The following MON1B variants were observed in gnomAD, a reference collection of about 807,000 sequenced individuals.
MON1B encodes vacuolar fusion protein MON1 homolog B.
In MON1B, 26 loss-of-function variants were observed where a neutral mutation model predicts 45.1. The observed-to-expected ratio is 0.58, with a 90% confidence interval of 0.42 to 0.80. The LOEUF (loss-of-function observed/expected upper bound fraction) is 0.80. Ranked by LOEUF, MON1B falls within the 30% of genes least tolerant of loss-of-function variation. MON1B has a pLI of 0.00. For synonymous variants in MON1B, 395 were observed against 320.2 expected, an observed-to-expected ratio of 1.23 and a Z score of -2.49; for missense variants, 737 against 754.5, an observed-to-expected ratio of 0.98 and a Z score of 0.27.
In MON1B at chr16:77,193,587, C is replaced by A. The variant is rs768362649; in HGVS notation, c.285C>A (p.Gly95=). 6.2e-7 allele frequency: 1 copy of A among 1,614,016 alleles called. No individual in the cohort carries two copies. The highest frequency in any genetic ancestry group is 1.7e-5 in the Admixed American group (1 of 60,008). ...GTAGCCCTGAGAGTAGCTCTGGAGG[C>A]CAGGGCGGGGACCCCAGTGATGAGG... ...PTCSPESSSG[G]QGGDPSDEEW... Residue 95 remains glycine, a synonymous_variant, in exon 3 of 6, where the codon GGC becomes GGA. Coordinates refer to ENST00000248248, the MANE Select transcript of MON1B (RefSeq NM_014940.4). This position sits in a 1 kb window ranked among gnomAD's most constrained non-coding sequence, Gnocchi z 5.0.
At chr16:77,196,299 A>T (rs944456896) in intron 5 of MON1B, among the ~76,000 whole-genome samples, 5 of 152,148 alleles carry the variant, frequency 3.3e-5, no homozygotes, top group East Asian at 3.8e-4. Context: ...TTGTTTTTAA[A>T]TTTTTTTAAC....
In MON1B at chr16:77,199,346, T is replaced by G; in HGVS notation, c.*1038T>G. 1 of 1,149,872 alleles carries G rather than the reference T, an allele frequency of 8.7e-7. No homozygotes were observed. The highest frequency in any genetic ancestry group is 1.4e-5 in the South Asian group (1 of 69,788). 71.2% of individuals were successfully genotyped at this position (1,149,872 alleles called of 1,614,324 possible). A position where few individuals can be genotyped will look rare whatever the true frequency, so the allele number is the denominator to read the frequency against. On this transcript the variant is annotated 3_prime_UTR_variant, in exon 6 of 6. Transcript: ENST00000248248. ...CTGACTCCTGATTTAACCGCTGGCG[T>G]AACCGCGGGTTGCACGCATGCGTGC...
chr16:77,194,929 G>C lies in MON1B; in HGVS notation c.1070G>C (p.Arg357Pro), dbSNP rs372814782. Residue 357 changes from arginine to proline, a missense_variant, in exon 4 of 6, where the codon CGT (arginine) becomes CCT (proline). Arg to Pro is a moderately radical substitution (Grantham distance 103, BLOSUM62 -2). Transcript: ENST00000248248. The surrounding 1 kb of genome is among the most constrained non-coding windows in gnomAD (Gnocchi z 8.1). ...PVCLLLLGTQ[R>P]EAFHAMAACR... is the part of the protein sequence containing the mutation. ...TGCCTGCTGCTGCTTGGCACCCAAC[G>C]TGAAGCCTTCCATGCCATGGCCGCC... is the stretch of plus-strand genomic sequence containing the variant. 3 of 1,613,700 alleles carry C rather than the reference G, an allele frequency of 1.9e-6. No individual in the cohort carries two copies. Among genetic ancestry groups the C allele is most frequent in the East Asian group, 2.2e-5 (1 of 44,874 alleles).
chr16:77,199,308 C>G lies in MON1B; in HGVS notation c.*1000C>G. The G allele has an allele frequency of 5.5e-6, 4 of 727,430 alleles. No individual in the cohort carries two copies. The highest frequency in any genetic ancestry group is 9.3e-6 in the Non-Finnish European group (4 of 432,086). 45.1% of individuals were successfully genotyped at this position (727,430 alleles called of 1,614,324 possible). ...GCAATCAGGGCCGCAGTGTGTTCTGCGCCTGCCCAGAGCTGACTCCTGATT... is the reference window on the plus strand; with the variant it reads ...GCAATCAGGGCCGCAGTGTGTTCTGGGCCTGCCCAGAGCTGACTCCTGATT... On this transcript the variant is annotated 3_prime_UTR_variant, in exon 6 of 6. Transcript: ENST00000248248.
chr16:77,195,401 C>T, intron 4 of MON1B, 134 bp from the exon 5 acceptor site: 1 of 1,236,132 alleles, frequency 8.1e-7, no homozygotes, highest in East Asian at 2.6e-5. Flanking sequence ...GCCTCCAACC[C>T]CTGAGAATCC....
At position 77,200,029 on chromosome 16, in the gene MON1B, C is replaced by T. The variant is rs1317855678; in HGVS notation, c.*1721C>T. The T allele has an allele frequency of 6.6e-6, 1 of 151,340 alleles. No homozygotes were observed. The highest frequency in any genetic ancestry group is 2.1e-4 in the South Asian group (1 of 4,796). 9.4% of individuals were successfully genotyped at this position (151,340 alleles called of 1,614,324 possible). On this transcript the variant is annotated 3_prime_UTR_variant, in exon 6 of 6. Coordinates refer to ENST00000248248, the MANE Select transcript of MON1B (RefSeq NM_014940.4). ...GACACTATTGGAAATTGTATTCCAT[C>T]CAAAAGAAAAAAAAATCTCAGGCCG...
In MON1B at chr16:77,194,084, C is replaced by T. The variant is rs562884027; in HGVS notation, c.476-251C>T. ...TCTGGCTCTGTGTCAGCCCTTGTAC[C>T]ATCTCTACCCGCCTGCCCGTGGTCT... On this transcript the variant is annotated intron_variant, in intron 3 of 5. Coordinates refer to ENST00000248248, the MANE Select transcript of MON1B (RefSeq NM_014940.4). This position sits in a 1 kb window ranked among gnomAD's most constrained non-coding sequence, Gnocchi z 8.1. 1 of 602,796 alleles carries T rather than the reference C, an allele frequency of 1.7e-6. No individual in the cohort carries two copies. Among genetic ancestry groups the T allele is most frequent in the Admixed American group, 2.9e-5 (1 of 34,340 alleles). The allele number at this position is 602,796 out of a possible 1,614,324, so 37.3% of individuals were successfully genotyped here. A position where few individuals can be genotyped will look rare whatever the true frequency, so the allele number is the denominator to read the frequency against.
rs376933532 is a variant in MON1B, at chr16:77,198,356, T to G, written c.*48T>G. The G allele has an allele frequency of 6.2e-5, 97 of 1,564,918 alleles. No individual in the cohort carries two copies. The highest frequency in any genetic ancestry group is 8.4e-5 in the Non-Finnish European group (95 of 1,135,894). ...CAGTGCTGGGAGCAACCACCTTTGT[T>G]TTTTACCTTCTGTCTACCCTGGAAA... On this transcript the variant is annotated 3_prime_UTR_variant, in exon 6 of 6. Transcript: ENST00000248248.
rs2054709091 is a variant in MON1B at position 77,199,653 on chromosome 16, C to T, written c.*1345C>T. 3 of 726,858 alleles carry T rather than the reference C, an allele frequency of 4.1e-6. No individual in the cohort carries two copies. The allele number at this position is 726,858 out of a possible 1,614,324, so 45.0% of individuals were successfully genotyped here. On this transcript the variant is annotated 3_prime_UTR_variant, in exon 6 of 6. Transcript: ENST00000248248. ...TAAGCCTTTTGTTATTGAAGAAAAA[C>T]AATTTTTTAACCGTTCAGCACAGTG... is the stretch of plus-strand genomic sequence containing the variant.
In MON1B at chr16:77,199,397, T is replaced by C; in HGVS notation, c.*1089T>C. On this transcript the variant is annotated 3_prime_UTR_variant, in exon 6 of 6. Transcript: ENST00000248248. ...TGAAAAGCCTTTCACCCTCACGTGG[T>C]TTCTTTTTTAACCAGTCATCAAGCG... 1.3e-6 allele frequency: 2 copies of C among 1,532,670 alleles called. No homozygotes were observed. Among genetic ancestry groups the C allele is most frequent in the Middle Eastern group, 1.8e-4 (1 of 5,600 alleles). 94.9% of individuals were successfully genotyped at this position (1,532,670 alleles called of 1,614,324 possible). A position where few individuals can be genotyped will look rare whatever the true frequency, so the allele number is the denominator to read the frequency against.
chr16:77,193,659 C>G lies in MON1B; in HGVS notation c.357C>G (p.Gly119=). Residue 119 remains glycine, a synonymous_variant, in exon 3 of 6, where the codon GGC becomes GGG. Transcript: ENST00000248248. The surrounding 1 kb of genome is among the most constrained non-coding windows in gnomAD (Gnocchi z 5.0). The stretch of plus-strand genomic sequence containing the variant: ...ATGTGTTTGTGCTGAGTGAGGCTGG[C>G]AAGCCCATCTACTCGCGGTATGGTA... ...RKHVFVLSEA[G]KPIYSRYGSV... The G allele has an allele frequency of 6.2e-7, 1 of 1,614,098 alleles. No individual in the cohort carries two copies. The highest frequency in any genetic ancestry group is 8.5e-7 in the Non-Finnish European group (1 of 1,179,986).
intron 5 of MON1B, among the ~76,000 whole-genome samples, chr16:77,196,842 C>G (rs1005757335): frequency 2.6e-5 from 4 of 152,150 alleles, no homozygotes; most frequent in Admixed American, 6.5e-5. Context: ...TCAATATTGT[C>G]TCATGGATTT....
rs182688168 is a variant in MON1B at position 77,200,715 on chromosome 16, C to T, written c.*2407C>T. On this transcript the variant is annotated 3_prime_UTR_variant, in exon 6 of 6. Coordinates refer to ENST00000248248, the MANE Select transcript of MON1B (RefSeq NM_014940.4). ...AGGTTATCGTGAGCTGACATTGCGC[C>T]ACTGCACTCCAGCGCGGAAGACAGA... is the stretch of plus-strand genomic sequence containing the variant. The T allele has an allele frequency of 6.1e-4, 88 of 143,964 alleles. 1 individual carries two copies. The highest frequency in any genetic ancestry group is 2.3e-3 in the African/African-American group (88 of 38,844). 8.9% of individuals were successfully genotyped at this position (143,964 alleles called of 1,614,324 possible).
In MON1B at chr16:77,200,364, A is replaced by G. The variant is rs1403705338; in HGVS notation, c.*2056A>G. The G allele has an allele frequency of 6.7e-6, 1 of 150,336 alleles. No individual in the cohort carries two copies. The highest frequency in any genetic ancestry group is 1.5e-5 in the Non-Finnish European group (1 of 67,684). 9.3% of individuals were successfully genotyped at this position (150,336 alleles called of 1,614,324 possible). On this transcript the variant is annotated 3_prime_UTR_variant, in exon 6 of 6. Coordinates refer to ENST00000248248, the MANE Select transcript of MON1B (RefSeq NM_014940.4). The stretch of plus-strand genomic sequence containing the variant: ...CTACTCAGGAAGCTGAGGCAGGAGA[A>G]TCACTTGAACCCGAGAGGCGGAGGT...
chr16:77,194,151 C>T lies in MON1B; in HGVS notation c.476-184C>T. The T allele has an allele frequency of 1.5e-6, 1 of 688,934 alleles. No homozygotes were observed. Among genetic ancestry groups the T allele is most frequent in the South Asian group, 1.7e-5 (1 of 59,944 alleles). The allele number at this position is 688,934 out of a possible 1,614,324, so 42.7% of individuals were successfully genotyped here. ...CTACTTGTTCCTTTGTCCATCCCAT[C>T]ATGTCTCTGCAAATGTCCAGATTCC... On this transcript the variant is annotated intron_variant, in intron 3 of 5. Transcript: ENST00000248248. This position sits in a 1 kb window ranked among gnomAD's most constrained non-coding sequence, Gnocchi z 8.1.
Position 77,191,547 on chromosome 16 carries a change from C to T in MON1B, c.62C>T (p.Thr21Met), listed in dbSNP as rs773699761. ...APGGAEDLED[T>M]QFPSEEAREG... ...GGGGGCGCGGAGGACTTGGAGGACACGCAGTTCCCCAGTGAGGAAGCTAGA... is the reference window on the plus strand; with the variant it reads ...GGGGGCGCGGAGGACTTGGAGGACATGCAGTTCCCCAGTGAGGAAGCTAGA... Residue 21 changes from threonine to methionine, a missense_variant, in exon 2 of 6, where the codon ACG (threonine) becomes ATG (methionine). Thr to Met is a moderately conservative substitution (Grantham distance 81, BLOSUM62 -1). Transcript: ENST00000248248. 3.1e-6 allele frequency: 5 copies of T among 1,608,610 alleles called. No homozygotes were observed. Among genetic ancestry groups the T allele is most frequent in the East Asian group, 2.2e-5 (1 of 44,804 alleles).
intron 5 of MON1B, among the ~76,000 whole-genome samples, chr16:77,196,393 A>C (rs1206934269): frequency 2.0e-5 from 3 of 152,180 alleles, no homozygotes; most frequent in African/African-American, 7.2e-5. Context: ...AGAGTTATAA[A>C]GGGCGTGGTG....
chr16:77,194,376 C>A lies in MON1B; in HGVS notation c.517C>A (p.Leu173Ile). 1 of 1,611,086 alleles carries A rather than the reference C, an allele frequency of 6.2e-7. No homozygotes were observed. Among genetic ancestry groups the A allele is most frequent in the Non-Finnish European group, 8.5e-7 (1 of 1,179,970 alleles). The change falls in exon 4 of 6, where the codon CTC (leucine) becomes ATC (isoleucine). Residue 173 changes from leucine (L) to isoleucine (I), a missense_variant. Leu to Ile is a conservative substitution (Grantham distance 5). Coordinates refer to ENST00000248248, the MANE Select transcript of MON1B (RefSeq NM_014940.4). The surrounding 1 kb of genome is among the most constrained non-coding windows in gnomAD (Gnocchi z 8.1). The stretch of plus-strand genomic sequence containing the variant: ...GTTCCTACAACAGGGCCCACTGTTG[C>A]TCGTGGCCATGTCACGGACTTCTCA... ...LVFLQQGPLLLVAMSRTSQSA... is the reference protein window; with the variant it reads ...LVFLQQGPLLIVAMSRTSQSA...
rs1451983321 is a variant in MON1B, at chr16:77,191,510, G to T, written c.25G>T (p.Ala9Ser). The T allele has an allele frequency of 1.2e-6, 2 of 1,607,284 alleles. No homozygotes were observed. The highest frequency in any genetic ancestry group is 1.3e-5 in the African/African-American group (1 of 74,446). Residue 9 changes from alanine (A) to serine (S), a missense_variant, in exon 2 of 6, where the codon GCC becomes TCC. By Grantham distance (99) the Ala-to-Ser change is moderately conservative. Coordinates refer to ENST00000248248, the MANE Select transcript of MON1B (RefSeq NM_014940.4). The stretch of plus-strand genomic sequence containing the variant: ...GATGGAGGTCGGAGGAGACACTGCT[G>T]CCCCGGCCCCCGGGGGCGCGGAGGA... MEVGGDTA[A>S]PAPGGAEDLE...
Sources: allele counts gnomAD v4.1 joint callset (sites outside exome capture counted in the v4.1 genomes callset), GRCh38; gene constraint gnomAD v4.1.1; non-coding constraint Gnocchi (gnomAD v3.1); transcripts MANE v1.5; gene names NCBI Gene and HGNC (gene_info 2026-07-23, HGNC 2026-07-21).